The following PNPLA3 variants were observed in gnomAD, a reference collection of about 807,000 sequenced individuals.
PNPLA3 encodes the protein patatin like domain 3, 1-acylglycerol-3-phosphate O-acyltransferase, also known as 1-acylglycerol-3-phosphate O-acyltransferase PNPLA3.
PNPLA3 carries 42 observed loss-of-function variants against 43.1 expected under a neutral mutation model. The observed-to-expected ratio is 0.97, with a 90% CI of 0.76 to 1.26. PNPLA3 has a LOEUF of 1.26. Among genes scored for constraint, PNPLA3 ranks in the 50% most tolerant of loss-of-function variants. The probability of loss-of-function intolerance (pLI) is 0.00; values close to 1 mark genes in which losing one functional copy is unlikely to be tolerated. For synonymous variants in PNPLA3, 272 were observed against 253.6 expected (o/e 1.07, Z -0.69); for missense variants, 647 against 621.4 (o/e 1.04, Z -0.44).
chr22:43,932,263 G>A (rs2049966303), intron 3 of PNPLA3, among the ~76,000 whole-genome samples: 1 of 152,196 alleles, frequency 6.6e-6, no homozygotes, highest in Admixed American at 6.5e-5. Flanking sequence ...TATCCAAAAT[G>A]CTGCTGTGTT....
At chr22:43,946,041 C>A in intron 8 of PNPLA3, 113 bp from the exon 9 acceptor site, 1 of 965,930 alleles carries the variant, frequency 1.0e-6, no homozygotes, top group South Asian at 1.4e-5. Context: ...TGACGGCACC[C>A]TAGAGTGTGT....
intron 5 of PNPLA3, 112 bp downstream of exon 5, chr22:43,934,778 C>T (rs2049984285): frequency 2.1e-6 from 2 of 974,586 alleles, no homozygotes; most frequent in Non-Finnish European, 3.2e-6. Flanking sequence ...CAACGCCTTC[C>T]TTGTGTTGCT....
chr22:43,924,043 CG>C lies in PNPLA3; in HGVS notation c.134del (p.Gly45AlafsTer46). The C allele has an allele frequency of 6.3e-7, 1 of 1,580,192 alleles. No individual in the cohort carries two copies. ...HLLRDARMLFGASAGALHCVG... is the reference protein window; with the variant it reads ...HLLRDARMLFXASAGALHCVG... ...TCCTCCGCGACGCGCGCATGTTGTT[CG>C]GCGCTTCGGCCGGGGCGTTGCACTG... On this transcript the variant is annotated frameshift_variant, in exon 1 of 9. Coordinates refer to ENST00000216180, the MANE Select transcript of PNPLA3 (RefSeq NM_025225.3). LOFTEE classifies it high-confidence loss of function.
At chr22:43,928,796 A>G (rs139051) in intron 2 of PNPLA3, 28 bp from the exon 3 acceptor site, 955,698 of 1,583,244 alleles carry the variant, frequency 0.6, 293,584 homozygotes, top group Middle Eastern at 0.7. Flanking sequence ...GCTCTCGCCT[A>G]TAACTTCTCT....
intron 5 of PNPLA3, among the ~76,000 whole-genome samples, chr22:43,936,487 G>A (rs556334895): frequency 6.6e-6 from 1 of 152,158 alleles, no homozygotes; most frequent in Non-Finnish European, 1.5e-5. Context: ...CCAGCACCCA[G>A]GACAGGGCCT....
In PNPLA3 at chr22:43,939,878, G is replaced by C. The variant is rs560472151; in HGVS notation, c.980-115G>C. 7.9e-5 allele frequency: 115 copies of C among 1,460,598 alleles called. 1 individual carries two copies. In the South Asian group the frequency reaches 9.2e-4, roughly 12 times the overall value. The allele number at this position is 1,460,598 out of a possible 1,614,324, so 90.5% of individuals were successfully genotyped here. A position where few individuals can be genotyped will look rare whatever the true frequency, so the allele number is the denominator to read the frequency against. On this transcript the variant is annotated intron_variant, in intron 6 of 8. Coordinates refer to ENST00000216180, the MANE Select transcript of PNPLA3 (RefSeq NM_025225.3). ...CCTTGTCGCTTTTGTGAGTGCCTCT[G>C]ACCCTTTGGCTGCCAGGACGGGCGT...
chr22:43,938,008 G>C (rs2050006830), intron 6 of PNPLA3, among the ~76,000 whole-genome samples: 1 of 152,132 alleles, frequency 6.6e-6, no homozygotes, highest in Non-Finnish European at 1.5e-5. Flanking sequence ...AGACCCAAGA[G>C]AGGTCCCTTG....
At chr22:43,924,900 G>A (rs1425486315) in intron 1 of PNPLA3, among the ~76,000 whole-genome samples, 1 of 151,982 alleles carries the variant, frequency 6.6e-6, no homozygotes, top group African/African-American at 2.4e-5. Context: ...TGCCCACCTC[G>A]GCCTCCCAGA....
chr22:43,937,728 A>G (rs2050005277), intron 6 of PNPLA3, among the ~76,000 whole-genome samples: 2 of 151,652 alleles, frequency 1.3e-5, no homozygotes, highest in Admixed American at 1.3e-4. Flanking sequence ...CTGTCCACCC[A>G]CCTCAAGGCT....
chr22:43,929,801 T>C (rs1490257540), intron 3 of PNPLA3, among the ~76,000 whole-genome samples: 1 of 152,008 alleles, frequency 6.6e-6, no homozygotes, highest in East Asian at 2.0e-4. Context: ...TTCATCATAT[T>C]GGCCAGGCTG....
rs1341602169 is a variant in PNPLA3, at chr22:43,946,358, T to G, written c.1422T>G (p.Ser474Arg). 1 of 1,613,974 alleles carries G rather than the reference T, an allele frequency of 6.2e-7. No homozygotes were observed. Among genetic ancestry groups the G allele is most frequent in the Non-Finnish European group, 8.5e-7 (1 of 1,180,000 alleles). Reference protein sequence around the residue: ...AGAEGLSTFPSFSLEKSL With the variant: ...AGAEGLSTFPRFSLEKSL ...CTGAGGGGCTCTCCACCTTTCCCAG[T>G]TTTTCACTAGAGAAGAGTCTGTGAG... The change falls in exon 9 of 9, where the codon AGT (serine) becomes AGG (arginine). Residue 474 changes from serine to arginine, a missense_variant. Physicochemically the swap from Ser to Arg is moderately radical, Grantham distance 110. Transcript: ENST00000216180.
At chr22:43,924,178 C>A (rs1031165259) in intron 1 of PNPLA3, 80 bp downstream of exon 1, 3 of 1,353,592 alleles carry the variant, frequency 2.2e-6, no homozygotes, top group South Asian at 1.7e-5. Flanking sequence ...CCCCAGGGGT[C>A]GCGGGGCCCT....
chr22:43,930,890 C>T (rs980489236), intron 3 of PNPLA3, among the ~76,000 whole-genome samples: 33 of 152,088 alleles, frequency 2.2e-4, no homozygotes, highest in African/African-American at 7.0e-4. Flanking sequence ...GAGTACCAGG[C>T]CGAGGTGGGT....
intron 8 of PNPLA3, among the ~76,000 whole-genome samples, chr22:43,945,491 T>C (rs1273851902): frequency 6.6e-6 from 1 of 152,134 alleles, no homozygotes; most frequent in Non-Finnish European, 1.5e-5. Context: ...CCTCAATGGG[T>C]TTCCGTGAGC....
chr22:43,941,319 T>TTGGGCTTCCTCTGAC (rs1162323872), intron 7 of PNPLA3, among the ~76,000 whole-genome samples: 1 of 148,244 alleles, frequency 6.7e-6, no homozygotes, highest in Non-Finnish European at 1.5e-5. Flanking sequence ...TTTCCTCTGA[T>TTGGGCTTCCTCTGAC]TGGGCTTCCT....
At chr22:43,932,065 CTGT>C (rs1178812641) in intron 3 of PNPLA3, among the ~76,000 whole-genome samples, 2 of 152,116 alleles carry the variant, frequency 1.3e-5, no homozygotes, top group African/African-American at 4.8e-5. Context: ...ATGCCTTTCT[CTGT>C]GGGTATCTGA....
intron 3 of PNPLA3, 72 bp downstream of exon 3, chr22:43,928,961 A>G: frequency 2.1e-6 from 3 of 1,463,044 alleles, no homozygotes; most frequent in Non-Finnish European, 2.9e-6. Flanking sequence ...TCCTGCCTGC[A>G]GGGCACTGGT....
chr22:43,933,271 C>T (rs2049973647), intron 4 of PNPLA3, among the ~76,000 whole-genome samples, 184 bp downstream of exon 4: 1 of 152,206 alleles, frequency 6.6e-6, no homozygotes, highest in Non-Finnish European at 1.5e-5. Context: ...TTATGGGAAT[C>T]ACCTGGGAAC....
Position 43,943,790 on chromosome 22 carries a change from C to CT in PNPLA3, c.1113-892dup, listed in dbSNP as rs904575778. Among the ~76,000 whole-genome samples, 49 of 150,942 alleles carry CT rather than the reference C, an allele frequency of 3.2e-4. 1 individual carries two copies. Among genetic ancestry groups the CT allele is most frequent in the South Asian group, 1.1e-3 (5 of 4,742 alleles). On this transcript the variant is annotated intron_variant, in intron 7 of 8. Transcript: ENST00000216180. The stretch of plus-strand genomic sequence containing the variant: ...AGTTAGTCTGTCATGTCCTTTGATC[C>CT]TTTTTTTTTGTTTTTTGAGATGGAG...
Sources: allele counts gnomAD v4.1 joint callset (sites outside exome capture counted in the v4.1 genomes callset), GRCh38; gene constraint gnomAD v4.1.1; transcripts MANE v1.5; gene names NCBI Gene and HGNC (gene_info 2026-07-23, HGNC 2026-07-21).